TMEM161B: variants seen among roughly 807,000 people sequenced by gnomAD.
The protein encoded by TMEM161B is transmembrane protein 161B.
TMEM161B carries 34 observed loss-of-function variants against 61.8 expected under a neutral mutation model. That is an observed-to-expected ratio of 0.55 (90% CI 0.42 to 0.73). TMEM161B has a LOEUF of 0.73. Among genes scored for constraint, TMEM161B ranks in the 30% least tolerant of loss-of-function variants. The probability of loss-of-function intolerance (pLI) is 0.00; values close to 1 mark genes in which losing one functional copy is unlikely to be tolerated. For missense variants in TMEM161B, 456 were observed against 558.5 expected, an observed-to-expected ratio of 0.82 and a Z score of 1.85; for synonymous variants, 167 against 192.8, an observed-to-expected ratio of 0.87 and a Z score of 1.11.
At position 88,206,483 on chromosome 5, in the gene TMEM161B, T is replaced by C. The variant is rs1300070468; in HGVS notation, c.615A>G (p.Ser205=). 1.3e-6 allele frequency: 2 copies of C among 1,591,888 alleles called. No individual in the cohort carries two copies. The highest frequency in any genetic ancestry group is 2.2e-5 in the East Asian group (1 of 44,550). Residue 205 remains serine (S), a synonymous_variant, in exon 7 of 12, where the codon TCA becomes TCG. Coordinates refer to ENST00000296595, the MANE Select transcript of TMEM161B (RefSeq NM_153354.5). Reference sequence around the variant, plus strand: ...TTTCAAGAAACTGCATCGCACTGTCTGAAAAATTTGTAAACCCTGTGGGGG... The same window carrying C: ...TTTCAAGAAACTGCATCGCACTGTCCGAAAAATTTGTAAACCCTGTGGGGG... The part of the protein sequence containing the change: ...FGLETGFTNF[S]DSAMQFLEKQ...
At chr5:88,225,006 C>T (rs1222102749) in intron 4 of TMEM161B, among the ~76,000 whole-genome samples, 1 of 120,706 alleles carries the variant, frequency 8.3e-6, no homozygotes, top group African/African-American at 3.3e-5. Context: ...CTCGCTCTGT[C>T]GCCCAGGCTG....
Position 88,208,413 on chromosome 5 carries a change from C to T in TMEM161B, c.447-1233G>A, listed in dbSNP as rs1332336328. Among the ~76,000 whole-genome samples, 14 of 152,102 alleles carry T rather than the reference C, an allele frequency of 9.2e-5. No individual in the cohort carries two copies. In the East Asian group the frequency reaches 1.4e-3, roughly 15 times the overall value. The stretch of plus-strand genomic sequence containing the variant: ...AGCAGAATGGCGTGAACCCGGGAGG[C>T]GGAGCTTGCAGTGAGCTGAGATCGC... On this transcript the variant is annotated intron_variant, in intron 5 of 11. Transcript: ENST00000296595.
At chr5:88,231,148 G>A (rs1750920666) in intron 2 of TMEM161B, among the ~76,000 whole-genome samples, 1 of 152,178 alleles carries the variant, frequency 6.6e-6, no homozygotes, top group South Asian at 2.1e-4. Flanking sequence ...CTCTTTCCCA[G>A]AACTTACCCT....
chr5:88,227,416 T>G (rs1231600697), intron 3 of TMEM161B, among the ~76,000 whole-genome samples: 2 of 152,188 alleles, frequency 1.3e-5, no homozygotes, highest in African/African-American at 4.8e-5. Context: ...TTTTGTGGAT[T>G]AAGTAGAACT....
intron 2 of TMEM161B, among the ~76,000 whole-genome samples, chr5:88,231,292 G>A (rs1459297486): frequency 1.3e-5 from 2 of 152,204 alleles, no homozygotes; most frequent in African/African-American, 2.4e-5. Flanking sequence ...TAAGTGAGAA[G>A]TGCAGGTGGC....
Position 88,196,226 on chromosome 5 carries a change from A to G in TMEM161B, c.1449T>C (p.Tyr483=). 6.2e-7 allele frequency: 1 copy of G among 1,611,844 alleles called. No homozygotes were observed. The highest frequency in any genetic ancestry group is 8.5e-7 in the Non-Finnish European group (1 of 1,178,934). Residue 483 remains tyrosine (Y), a synonymous_variant, in exon 12 of 12, where the codon TAT becomes TAC. Transcript: ENST00000296595. Reference sequence around the variant, plus strand: ...TAACTGAGATTCATGCCACAGTCAGATACTGGTGATAGAAAAGCCCAAAAA... The same window carrying G: ...TAACTGAGATTCATGCCACAGTCAGGTACTGGTGATAGAAAAGCCCAAAAA... The part of the protein sequence containing the change: ...TSLFGLFYHQ[Y]LTVA
intron 1 of TMEM161B, among the ~76,000 whole-genome samples, chr5:88,252,747 T>C (rs1754493454): frequency 6.6e-6 from 1 of 152,218 alleles, no homozygotes; most frequent in Non-Finnish European, 1.5e-5. Context: ...CATCCTCGGC[T>C]TTTCCGAACA....
At chr5:88,188,771 C>T (rs1748523344), downstream of TMEM161B, among the ~76,000 whole-genome samples, 1 of 152,166 alleles carries the variant, frequency 6.6e-6, no homozygotes, top group Non-Finnish European at 1.5e-5. Flanking sequence ...GCTTACAGCT[C>T]TAAGGGGTTC....
At chr5:88,220,530 ATAAAT>A in intron 5 of TMEM161B, 28 bp downstream of exon 5, 1 of 1,497,832 alleles carries the variant, frequency 6.7e-7, no homozygotes, top group South Asian at 1.5e-5. Context: ...TATCTGCAAA[ATAAAT>A]TAATATTAAT....
intron 4 of TMEM161B, among the ~76,000 whole-genome samples, chr5:88,225,273 T>C (rs182374355): frequency 8.2e-4 from 125 of 152,122 alleles, no homozygotes; most frequent in African/African-American, 2.5e-3. Flanking sequence ...AGCCAAAATA[T>C]GTGTTGATTT....
At chr5:88,264,406 G>A (rs1756084125) in intron 1 of TMEM161B, among the ~76,000 whole-genome samples, 1 of 152,134 alleles carries the variant, frequency 6.6e-6, no homozygotes, top group Admixed American at 6.5e-5. Flanking sequence ...CAGTTAGAAT[G>A]ACAATTATTA....
chr5:88,252,289 G>C (rs1374577730), intron 1 of TMEM161B, among the ~76,000 whole-genome samples: 4 of 152,136 alleles, frequency 2.6e-5, no homozygotes, highest in Non-Finnish European at 5.9e-5. Flanking sequence ...GTGGAAAATA[G>C]GATGAAGACT....
At chr5:88,197,623 T>G (rs374233084) in intron 11 of TMEM161B, 46 bp downstream of exon 11, 2 of 1,440,846 alleles carry the variant, frequency 1.4e-6, no homozygotes, top group Admixed American at 4.0e-5. Context: ...TTATTAATTA[T>G]AGGTAGAAAG....
At chr5:88,242,985 T>G (rs1752988834) in intron 1 of TMEM161B, among the ~76,000 whole-genome samples, 1 of 151,686 alleles carries the variant, frequency 6.6e-6, no homozygotes, top group South Asian at 2.1e-4. Context: ...ATAAATTAAT[T>G]AGTAAAAGAT....
intron 5 of TMEM161B, among the ~76,000 whole-genome samples, chr5:88,217,867 C>A (rs1748184040): frequency 6.8e-6 from 1 of 147,272 alleles, no homozygotes; most frequent in South Asian, 2.1e-4. Context: ...AAGACAGCAA[C>A]CAAACACAAG....
At chr5:88,253,740 A>G (rs899570241) in intron 1 of TMEM161B, among the ~76,000 whole-genome samples, 3 of 152,220 alleles carry the variant, frequency 2.0e-5, no homozygotes, top group Admixed American at 6.6e-5. Flanking sequence ...GCAAGGAACT[A>G]TATTAGAAAT....
intron 5 of TMEM161B, among the ~76,000 whole-genome samples, chr5:88,209,379 T>C (rs982548619): frequency 6.6e-6 from 1 of 152,200 alleles, no homozygotes; most frequent in African/African-American, 2.4e-5. Context: ...TTCCAACTTC[T>C]TTTCTTACAC....
intron 2 of TMEM161B, among the ~76,000 whole-genome samples, chr5:88,238,614 G>A (rs554487822): frequency 8.0e-4 from 121 of 151,848 alleles, no homozygotes; most frequent in Non-Finnish European, 1.3e-3. Flanking sequence ...GAATGCCCTC[G>A]GATTTCTCTC....
At chr5:88,224,554 C>G (rs1315175261) in intron 4 of TMEM161B, among the ~76,000 whole-genome samples, 1 of 152,004 alleles carries the variant, frequency 6.6e-6, no homozygotes, top group African/African-American at 2.4e-5. Flanking sequence ...AAAGTAAATC[C>G]TGAATAAGTA....
Sources: gnomAD v4.1 joint callset for allele counts (sites outside exome capture counted in the v4.1 genomes callset) on GRCh38, gnomAD v4.1.1 for gene constraint, MANE v1.5 for transcripts, NCBI Gene and HGNC (gene_info 2026-07-23, HGNC 2026-07-21) for gene names.